Variants in FOXP1 observed in about 807,000 individuals in gnomAD.
FOXP1 encodes the protein forkhead box P1, also known as forkhead box protein P1.
A neutral mutation model predicts 98.2 loss-of-function variants in FOXP1; 15 were observed. That is an observed-to-expected ratio of 0.15 (90% confidence interval 0.10 to 0.24). The LOEUF (loss-of-function observed/expected upper bound fraction) is 0.24. Among genes scored for constraint, FOXP1 ranks in the 10% least tolerant of loss-of-function variants. FOXP1 has a pLI of 1.00. For missense variants in FOXP1, 633 were observed against 848.5 expected, an observed-to-expected ratio of 0.75 and a Z score of 3.15; for synonymous variants, 371 against 314.5, an observed-to-expected ratio of 1.18 and a Z score of -1.90.
At chr3:71,432,868 T>TA (rs1047638258) in intron 3 of FOXP1, among the ~76,000 whole-genome samples, 4 of 139,050 alleles carry the variant, frequency 2.9e-5, no homozygotes, top group Middle Eastern at 3.8e-3. Context: ...AAAAAAAAAT[T>TA]AAAAAAAAAA....
At chr3:71,563,499 A>G (rs2046691580) in intron 2 of FOXP1, among the ~76,000 whole-genome samples, 1 of 152,238 alleles carries the variant, frequency 6.6e-6, no homozygotes, top group Admixed American at 6.5e-5. Context: ...AGGACAAAGA[A>G]CCAAAGTAAG....
intron 5 of FOXP1, among the ~76,000 whole-genome samples, chr3:71,213,673 G>A (rs1003324186): frequency 9.2e-5 from 14 of 152,050 alleles, no homozygotes; most frequent in African/African-American, 1.7e-4. Flanking sequence ...AAAATTAGCC[G>A]GGTGTGCTGG....
intron 10 of FOXP1, among the ~76,000 whole-genome samples, chr3:71,045,102 C>T (rs1199077038): frequency 6.6e-6 from 1 of 152,150 alleles, no homozygotes; most frequent in African/African-American, 2.4e-5. Context: ...GAACCTGACA[C>T]CAGAAATATT....
chr3:71,056,997 C>T (rs1210220004), intron 7 of FOXP1, among the ~76,000 whole-genome samples: 1 of 152,142 alleles, frequency 6.6e-6, no homozygotes, highest in African/African-American at 2.4e-5. Context: ...CACTTTATTG[C>T]CCATTACTAC....
intron 7 of FOXP1, among the ~76,000 whole-genome samples, chr3:71,069,278 G>A (rs1427185627): frequency 2.0e-5 from 3 of 152,174 alleles, no homozygotes; most frequent in Non-Finnish European, 4.4e-5. Flanking sequence ...AGTGTGACAT[G>A]TCAACATTCA....
intron 2 of FOXP1, among the ~76,000 whole-genome samples, chr3:71,513,241 G>A (rs2042325126): frequency 6.6e-6 from 1 of 152,100 alleles, no homozygotes; most frequent in Non-Finnish European, 1.5e-5. Context: ...AGCAGGCTCT[G>A]ACCACATCCT....
At chr3:71,500,876 A>C (rs2041284952) in intron 2 of FOXP1, among the ~76,000 whole-genome samples, 1 of 152,180 alleles carries the variant, frequency 6.6e-6, no homozygotes, top group South Asian at 2.1e-4. Context: ...CTTCCTGCCC[A>C]GCCAACTGGC....
chr3:71,129,624 C>T (rs1411994643), intron 6 of FOXP1, among the ~76,000 whole-genome samples: 1 of 151,932 alleles, frequency 6.6e-6, no homozygotes, highest in African/African-American at 2.4e-5. Context: ...ACCAATTAAA[C>T]TGAAGTTGGG....
chr3:71,192,592 G>GTT (rs1243609426), intron 6 of FOXP1, among the ~76,000 whole-genome samples: 2 of 152,216 alleles, frequency 1.3e-5, no homozygotes, highest in Non-Finnish European at 2.9e-5. Flanking sequence ...AAAAACTAAT[G>GTT]AAGGGATGGA....
chr3:70,972,761 A>G, intron 17 of FOXP1, 85 bp from the exon 18 acceptor site: 1 of 1,401,598 alleles, frequency 7.1e-7, no homozygotes, highest in Non-Finnish European at 9.9e-7. Context: ...CTAACAGTCC[A>G]CATTTGTAAA....
intron 3 of FOXP1, among the ~76,000 whole-genome samples, chr3:71,397,867 A>G (rs976924326): frequency 5.3e-5 from 8 of 152,208 alleles, no homozygotes; most frequent in African/African-American, 1.9e-4. Context: ...ACCTAATCCT[A>G]CAGTTTAACT....
At chr3:70,989,367 A>G (rs951853998) in intron 13 of FOXP1, among the ~76,000 whole-genome samples, 2 of 152,088 alleles carry the variant, frequency 1.3e-5, no homozygotes, top group Non-Finnish European at 2.9e-5. Flanking sequence ...AGAAAAAAAC[A>G]GCCGTACAGT....
At chr3:71,298,248 C>T (rs1389133006) in intron 5 of FOXP1, among the ~76,000 whole-genome samples, 3 of 151,956 alleles carry the variant, frequency 2.0e-5, no homozygotes, top group Admixed American at 6.6e-5. Context: ...GGGCGGATCA[C>T]GAGGTCAGGA....
chr3:71,067,987 TATAAA>T (rs2052751892), intron 7 of FOXP1, among the ~76,000 whole-genome samples: 1 of 108,702 alleles, frequency 9.2e-6, no homozygotes, highest in Non-Finnish European at 1.7e-5. Context: ...ACTGGATAAT[TATAAA>T]AAAAAAAAGC....
chr3:71,419,548 C>A (rs542157967), intron 3 of FOXP1, among the ~76,000 whole-genome samples: 2 of 152,184 alleles, frequency 1.3e-5, no homozygotes, highest in African/African-American at 2.4e-5. Context: ...AAGAAAGAAA[C>A]TGGATCTCCA....
chr3:71,330,023 A>G (rs537101822), intron 4 of FOXP1, among the ~76,000 whole-genome samples: 3 of 152,224 alleles, frequency 2.0e-5, no homozygotes, highest in South Asian at 2.1e-4. Context: ...AGCCTAGGCA[A>G]CACAGGGAGA....
At chr3:71,207,653 T>C (rs1197686058) in intron 5 of FOXP1, among the ~76,000 whole-genome samples, 1 of 152,212 alleles carries the variant, frequency 6.6e-6, no homozygotes, top group African/African-American at 2.4e-5. Flanking sequence ...CGGTGTTGTA[T>C]CTTTGTAATT....
chr3:71,273,222 T>C (rs2070558407), intron 5 of FOXP1, among the ~76,000 whole-genome samples: 1 of 152,192 alleles, frequency 6.6e-6, no homozygotes, highest in Non-Finnish European at 1.5e-5. Context: ...AAGTTCAATT[T>C]CCAAGAAATA....
At chr3:71,034,369 T>C (rs1406251621) in intron 11 of FOXP1, among the ~76,000 whole-genome samples, 1 of 152,032 alleles carries the variant, frequency 6.6e-6, no homozygotes, top group Admixed American at 6.6e-5. Flanking sequence ...TGGCAGTCAC[T>C]GCAAGTCCCT....
Sources: gnomAD v4.1 joint callset for allele counts (sites outside exome capture counted in the v4.1 genomes callset) on GRCh38, gnomAD v4.1.1 for gene constraint, MANE v1.5 for transcripts, NCBI Gene and HGNC (gene_info 2026-07-23, HGNC 2026-07-21) for gene names.